The following SPDEF variants were observed in gnomAD, a reference collection of about 807,000 sequenced individuals.
SPDEF encodes SAM pointed domain-containing Ets transcription factor.
SPDEF carries 12 observed loss-of-function variants against 36.0 expected under a neutral mutation model. The ratio of observed to expected loss-of-function variants is 0.33; its 90% CI spans 0.21 to 0.54. The LOEUF is 0.54. SPDEF is among the 20% of genes least tolerant of loss of function. The probability of loss-of-function intolerance (pLI) is 0.93; values close to 1 mark genes in which losing one functional copy is unlikely to be tolerated. For synonymous variants in SPDEF, 205 were observed against 193.0 expected, an observed-to-expected ratio of 1.06 and a Z score of -0.51; for missense variants, 388 against 456.9, an observed-to-expected ratio of 0.85 and a Z score of 1.37.
rs1209079195 is a variant in SPDEF, at chr6:34,539,418, C to T, written c.683-22G>A. On this transcript the variant is annotated intron_variant, in intron 4 of 5. Transcript: ENST00000374037. The surrounding 1 kb of genome is among the most constrained non-coding windows in gnomAD (Gnocchi z 5.2). ...GAGGCTGGGTGGCCAGGGAGGGTGG[C>T]GGTGAGTGGGAATGGGAGGCCAGTC... 2 of 1,612,754 alleles carry T rather than the reference C, an allele frequency of 1.2e-6. No individual in the cohort carries two copies. Among genetic ancestry groups the T allele is most frequent in the Non-Finnish European group, 1.7e-6 (2 of 1,179,820 alleles).
chr6:34,538,954 G>A lies in SPDEF; in HGVS notation c.829+296C>T, dbSNP rs1767753170. ...AGTTCGGCCTGTGCAGCCCTCTCTG[G>A]CAGGATTAATTAATATGAGATGGTG... On this transcript the variant is annotated intron_variant, in intron 5 of 5. Coordinates refer to ENST00000374037, the MANE Select transcript of SPDEF (RefSeq NM_012391.3). This position sits in a 1 kb window ranked among gnomAD's most constrained non-coding sequence, Gnocchi z 5.9. 6.6e-6 allele frequency among the ~76,000 whole-genome samples: 1 copy of A among 152,194 alleles called. No individual in the cohort carries two copies. The highest frequency in any genetic ancestry group is 2.1e-4 in the South Asian group (1 of 4,834).
chr6:34,552,112 G>A lies in SPDEF; in HGVS notation c.-30+3817C>T, dbSNP rs1299179863. The stretch of plus-strand genomic sequence containing the variant: ...TGCCATGATGCAGCCCGGGTCACAT[G>A]GCTGCCCCTCTCTGGCACAGTCTCG... On this transcript the variant is annotated intron_variant, in intron 1 of 5. Coordinates refer to ENST00000374037, the MANE Select transcript of SPDEF (RefSeq NM_012391.3). The surrounding 1 kb of genome is among the most constrained non-coding windows in gnomAD (Gnocchi z 4.6). Among the ~76,000 whole-genome samples the A allele has an allele frequency of 6.6e-6, 1 of 152,088 alleles. No homozygotes were observed. The highest frequency in any genetic ancestry group is 6.5e-5 in the Admixed American group (1 of 15,268).
rs546226822 is a variant in SPDEF at position 34,544,982 on chromosome 6, A to G, written c.-29-498T>C. On this transcript the variant is annotated intron_variant, in intron 1 of 5. Transcript: ENST00000374037. The surrounding 1 kb of genome is among the most constrained non-coding windows in gnomAD (Gnocchi z 4.4). ...GGCCACCATCCTAAAGGTGGCTATC[A>G]TCTTCACCAGCAGGGGAAAGACGAG... Among the ~76,000 whole-genome samples the G allele has an allele frequency of 1.3e-5, 2 of 152,314 alleles. No individual in the cohort carries two copies. Among genetic ancestry groups the G allele is most frequent in the South Asian group, 4.1e-4 (2 of 4,828 alleles).
chr6:34,538,514 C>A lies in SPDEF; in HGVS notation c.830-62G>T. The stretch of plus-strand genomic sequence containing the variant: ...AGTGAGGTGGCAAGAAGGAGAAAGA[C>A]GCAGACCACCAGGTCAGCCTCGTGG... On this transcript the variant is annotated intron_variant, in intron 5 of 5. Coordinates refer to ENST00000374037, the MANE Select transcript of SPDEF (RefSeq NM_012391.3). The surrounding 1 kb of genome is among the most constrained non-coding windows in gnomAD (Gnocchi z 5.9). 1.3e-6 allele frequency: 2 copies of A among 1,516,772 alleles called. No homozygotes were observed. Among genetic ancestry groups the A allele is most frequent in the South Asian group, 2.4e-5 (2 of 82,136 alleles). The allele number at this position is 1,516,772 out of a possible 1,614,324, so 94.0% of individuals were successfully genotyped here.
Position 34,538,587 on chromosome 6 carries a change from G to T in SPDEF, c.830-135C>A. ...AGGCCTCCCCCTGCTCGGGTGGGGC[G>T]GGGTGTGGGGGCCCAAATGCCTACT... is the stretch of plus-strand genomic sequence containing the variant. On this transcript the variant is annotated intron_variant, in intron 5 of 5. Transcript: ENST00000374037. This position sits in a 1 kb window ranked among gnomAD's most constrained non-coding sequence, Gnocchi z 5.9. The T allele has an allele frequency of 1.2e-6, 1 of 842,156 alleles. No homozygotes were observed. Among genetic ancestry groups the T allele is most frequent in the Non-Finnish European group, 1.8e-6 (1 of 550,082 alleles). 52.2% of individuals were successfully genotyped at this position (842,156 alleles called of 1,614,324 possible).
chr6:34,555,678 C>G lies in SPDEF; in HGVS notation c.-30+251G>C, dbSNP rs1210756349. ...GCAGACTGGGCTCAGTGTGGGGGAC[C>G]CCAGGCCTTGCCGGGCAAGGGGGCT... On this transcript the variant is annotated intron_variant, in intron 1 of 5. Coordinates refer to ENST00000374037, the MANE Select transcript of SPDEF (RefSeq NM_012391.3). The surrounding 1 kb of genome is among the most constrained non-coding windows in gnomAD (Gnocchi z 5.2). Among the ~76,000 whole-genome samples the G allele has an allele frequency of 6.6e-6, 1 of 151,936 alleles. No homozygotes were observed. Among genetic ancestry groups the G allele is most frequent in the East Asian group, 1.9e-4 (1 of 5,150 alleles).
At position 34,539,447 on chromosome 6, in the gene SPDEF, G is replaced by T. The variant is rs1245169664; in HGVS notation, c.683-51C>A. On this transcript the variant is annotated intron_variant, in intron 4 of 5. Transcript: ENST00000374037. This position sits in a 1 kb window ranked among gnomAD's most constrained non-coding sequence, Gnocchi z 5.2. ...GAGTGGGAATGGGAGGCCAGTCCCG[G>T]CTTCATTGGCAGCCACCCCTCCACC... The T allele has an allele frequency of 6.2e-7, 1 of 1,611,256 alleles. No homozygotes were observed. Among genetic ancestry groups the T allele is most frequent in the Admixed American group, 1.7e-5 (1 of 60,014 alleles).
chr6:34,551,191 CT>C (rs2127293647), intron 1 of SPDEF, among the ~76,000 whole-genome samples: 1 of 152,330 alleles, frequency 6.6e-6, no homozygotes, highest in Non-Finnish European at 1.5e-5. Flanking sequence ...AAGGTTGCCC[CT>C]GTTGACCATC....
At chr6:34,549,297 G>T (rs1013828658) in intron 1 of SPDEF, among the ~76,000 whole-genome samples, 6 of 152,218 alleles carry the variant, frequency 3.9e-5, no homozygotes, top group African/African-American at 1.4e-4. Flanking sequence ...GCAGAATGGT[G>T]GGGTGGCGGC....
intron 3 of SPDEF, 28 bp downstream of exon 3, chr6:34,540,956 G>A (rs776050988): frequency 7.5e-6 from 12 of 1,596,224 alleles, no homozygotes; most frequent in Non-Finnish European, 8.5e-6. Flanking sequence ...GCCTGGGAGG[G>A]GCTGCTCCCA....
intron 1 of SPDEF, among the ~76,000 whole-genome samples, chr6:34,549,560 T>C (rs766133204): frequency 1.6e-4 from 25 of 152,118 alleles, no homozygotes; most frequent in Non-Finnish European, 3.1e-4. Context: ...AACCACAGTT[T>C]CCGGGAATGG....
chr6:34,555,377 C>T lies in SPDEF; in HGVS notation c.-30+552G>A, dbSNP rs576275358. 3.9e-5 allele frequency among the ~76,000 whole-genome samples: 6 copies of T among 152,098 alleles called. No individual in the cohort carries two copies. The highest frequency in any genetic ancestry group is 9.7e-5 in the African/African-American group (4 of 41,418). On this transcript the variant is annotated intron_variant, in intron 1 of 5. Coordinates refer to ENST00000374037, the MANE Select transcript of SPDEF (RefSeq NM_012391.3). The surrounding 1 kb of genome is among the most constrained non-coding windows in gnomAD (Gnocchi z 5.2). ...TGTGCTCAGCGGTGACCCCAGCCCC[C>T]TGGTTCCTGTGCCCATCCCTGCCCA...
At chr6:34,541,250 A>C (rs1418892101) in intron 2 of SPDEF, 69 bp from the exon 3 acceptor site, 8 of 1,451,258 alleles carry the variant, frequency 5.5e-6, no homozygotes, top group Non-Finnish European at 7.5e-6. Context: ...TGGGGCACCC[A>C]TGGGAACCTG....
intron 2 of SPDEF, among the ~76,000 whole-genome samples, chr6:34,543,195 C>CAAAAAAAAAAAAAAAAAAAAA (rs56021909): frequency 7.2e-5 from 5 of 69,144 alleles, no homozygotes; most frequent in Non-Finnish European, 1.2e-4. Flanking sequence ...GACTCCATCT[C>CAAAAAAAAAAAAAAAAAAAAA]AAAAAAAAAA....
rs573156366 is a variant in SPDEF at position 34,554,217 on chromosome 6, A to T, written c.-30+1712T>A. 9.2e-5 allele frequency among the ~76,000 whole-genome samples: 14 copies of T among 152,290 alleles called. No homozygotes were observed. In the South Asian group the frequency reaches 2.9e-3, roughly 32 times the overall value. The stretch of plus-strand genomic sequence containing the variant: ...GGTTATACTCAGGCTGCAACAAGTC[A>T]TTTAGCACAAAACTGCTCTAACGGT... On this transcript the variant is annotated intron_variant, in intron 1 of 5. Coordinates refer to ENST00000374037, the MANE Select transcript of SPDEF (RefSeq NM_012391.3).
chr6:34,539,705 T>G lies in SPDEF; in HGVS notation c.635-143A>C. 1.1e-6 allele frequency: 1 copy of G among 911,368 alleles called. No individual in the cohort carries two copies. Among genetic ancestry groups the G allele is most frequent in the Non-Finnish European group, 1.7e-6 (1 of 573,100 alleles). The allele number at this position is 911,368 out of a possible 1,614,324, so 56.5% of individuals were successfully genotyped here. On this transcript the variant is annotated intron_variant, in intron 3 of 5. Coordinates refer to ENST00000374037, the MANE Select transcript of SPDEF (RefSeq NM_012391.3). This position sits in a 1 kb window ranked among gnomAD's most constrained non-coding sequence, Gnocchi z 5.2. The stretch of plus-strand genomic sequence containing the variant: ...TGTGGCTCCCTGCCTCCTGCCAACC[T>G]GGGGAGGCAAGCTGGTTACAAGAAG...
At chr6:34,548,035 C>T (rs562631594) in intron 1 of SPDEF, among the ~76,000 whole-genome samples, 1 of 152,138 alleles carries the variant, frequency 6.6e-6, no homozygotes, top group Non-Finnish European at 1.5e-5. Context: ...TGCAACTAGG[C>T]GTCTCAAGGT....
In SPDEF at chr6:34,555,322, G is replaced by T. The variant is rs1327171526; in HGVS notation, c.-30+607C>A. On this transcript the variant is annotated intron_variant, in intron 1 of 5. Coordinates refer to ENST00000374037, the MANE Select transcript of SPDEF (RefSeq NM_012391.3). This position sits in a 1 kb window ranked among gnomAD's most constrained non-coding sequence, Gnocchi z 5.2. ...CCAAGACCAGGACCCAAGGCTCTCA[G>T]CTTCCCCCAGTGTCCAAGGGCTCAG... is the stretch of plus-strand genomic sequence containing the variant. 6.6e-6 allele frequency among the ~76,000 whole-genome samples: 1 copy of T among 152,108 alleles called. No homozygotes were observed. The highest frequency in any genetic ancestry group is 6.5e-5 in the Admixed American group (1 of 15,268).
chr6:34,541,272 C>G (rs1222181277), intron 2 of SPDEF, 91 bp from the exon 3 acceptor site: 1 of 1,314,262 alleles, frequency 7.6e-7, no homozygotes, highest in Non-Finnish European at 1.0e-6. Flanking sequence ...GGCCTGAGAC[C>G]ATGTGCTCTT....
Sources: allele counts gnomAD v4.1 joint callset (sites outside exome capture counted in the v4.1 genomes callset), GRCh38; gene constraint gnomAD v4.1.1; non-coding constraint Gnocchi (gnomAD v3.1); transcripts MANE v1.5; gene names NCBI Gene and HGNC (gene_info 2026-07-23, HGNC 2026-07-21).